Variants in SPATA18 observed in about 807,000 individuals in gnomAD.
SPATA18 encodes spermatogenesis associated 18.
Under a neutral mutation model 68.1 loss-of-function variants are expected in SPATA18, and 54 were observed. That is an observed-to-expected ratio of 0.79 (90% CI 0.64 to 0.99). The LOEUF (loss-of-function observed/expected upper bound fraction) is 0.99, where lower values mean the gene tolerates loss of function less well. Ranked by LOEUF, SPATA18 falls within the 50% of genes least tolerant of loss-of-function variation. SPATA18 has a pLI of 0.00. For synonymous variants in SPATA18, 242 were observed against 244.8 expected (o/e 0.99, Z 0.11); for missense variants, 724 against 681.1 (o/e 1.06, Z -0.70).
At position 52,076,816 on chromosome 4, in the gene SPATA18, A is replaced by G. The variant is rs574643999; in HGVS notation, c.796A>G (p.Ser266Gly). The stretch of plus-strand genomic sequence containing the variant: ...CCGGTCTCCCAGCCCTGCCCCTCGC[A>G]GCCGTAGCTGCAGCCGCAGCAGATC... ...RSRSPSPAPR[S>G]RSCSRSRSAS... The change falls in exon 7 of 13, where the codon AGC (serine) becomes GGC (glycine). Residue 266 changes from serine to glycine, a missense_variant. Ser to Gly is a moderately conservative substitution (Grantham distance 56, BLOSUM62 0). Coordinates refer to ENST00000295213, the MANE Select transcript of SPATA18 (RefSeq NM_145263.4). 1 of 1,614,102 alleles carries G rather than the reference A, an allele frequency of 6.2e-7. No individual in the cohort carries two copies. The highest frequency in any genetic ancestry group is 2.2e-5 in the East Asian group (1 of 44,876).
intron 11 of SPATA18, among the ~76,000 whole-genome samples, chr4:52,085,622 A>G (rs1226108712): frequency 1.3e-5 from 2 of 152,118 alleles, no homozygotes; most frequent in South Asian, 2.1e-4. Context: ...TAGCACTTTC[A>G]GAGGCTGAGG....
intron 1 of SPATA18, 62 bp downstream of exon 1, chr4:52,051,853 C>T: frequency 6.7e-7 from 1 of 1,498,432 alleles, no homozygotes; most frequent in Non-Finnish European, 9.2e-7. Flanking sequence ...CAGCCCTTGT[C>T]GGGGATTTCT....
intron 11 of SPATA18, among the ~76,000 whole-genome samples, chr4:52,094,224 A>G (rs1250488925): frequency 1.3e-5 from 2 of 152,200 alleles, no homozygotes; most frequent in Non-Finnish European, 2.9e-5. Flanking sequence ...CAGATATTGT[A>G]TCATCATTTT....
Position 52,076,971 on chromosome 4 carries a change from G to C in SPATA18, c.951G>C (p.Ala317=). The change falls in exon 7 of 13, where the codon GCG becomes GCC. Residue 317 remains alanine (A), a synonymous_variant. Coordinates refer to ENST00000295213, the MANE Select transcript of SPATA18 (RefSeq NM_145263.4). ...CCTATTCCCAGGCCCGCCTGGACGC[G>C]CAGTGCCTGCTGCGGCGCTGCATCG... is the stretch of plus-strand genomic sequence containing the variant. ...SDSYSQARLD[A]QCLLRRCIDK... 1.2e-6 allele frequency: 2 copies of C among 1,613,822 alleles called. No homozygotes were observed. The highest frequency in any genetic ancestry group is 1.7e-4 in the Middle Eastern group (1 of 6,060).
chr4:52,087,013 C>T (rs1741494019), intron 11 of SPATA18, among the ~76,000 whole-genome samples: 1 of 152,134 alleles, frequency 6.6e-6, no homozygotes, highest in Non-Finnish European at 1.5e-5. Flanking sequence ...TCTCTAATGA[C>T]CAGTGATGAT....
intron 6 of SPATA18, among the ~76,000 whole-genome samples, chr4:52,075,316 A>G (rs905708563): frequency 3.3e-5 from 5 of 152,154 alleles, no homozygotes; most frequent in Non-Finnish European, 7.3e-5. Flanking sequence ...ATGAAAAAGA[A>G]TGTGCCAATG....
At chr4:52,062,528 T>G (rs921434610) in intron 4 of SPATA18, among the ~76,000 whole-genome samples, 196 bp downstream of exon 4, 5 of 151,900 alleles carry the variant, frequency 3.3e-5, no homozygotes, top group Non-Finnish European at 4.4e-5. Context: ...GAGTCAGTGG[T>G]CAGTGTCTGT....
At chr4:52,051,958 GACATGTGTGT>G (rs936384416) in intron 1 of SPATA18, among the ~76,000 whole-genome samples, 167 bp downstream of exon 1, 1 of 152,200 alleles carries the variant, frequency 6.6e-6, no homozygotes, top group Non-Finnish European at 1.5e-5. Context: ...GGGAAGGAAG[GACATGTGTGT>G]ACATGCCCTT....
At chr4:52,070,115 A>G (rs1739676096) in intron 5 of SPATA18, among the ~76,000 whole-genome samples, 199 bp downstream of exon 5, 1 of 151,618 alleles carries the variant, frequency 6.6e-6, no homozygotes, top group Non-Finnish European at 1.5e-5. Context: ...AACGTAGTAT[A>G]AAGGCATATA....
rs540675678 is a variant in SPATA18, at chr4:52,080,025, A to G, written c.1355+106A>G. 506 of 1,230,782 alleles carry G rather than the reference A, an allele frequency of 4.1e-4. 3 individuals are homozygous for G. Among genetic ancestry groups the G allele is most frequent in the East Asian group, 3.7e-3 (155 of 42,364 alleles). The allele number at this position is 1,230,782 out of a possible 1,614,324, so 76.2% of individuals were successfully genotyped here. On this transcript the variant is annotated intron_variant, in intron 9 of 12. Transcript: ENST00000295213. ...AAGAACTCTGGGTGGAGAAATTAAC[A>G]GACACTACCTGATTTTCAGGCCCTA...
chr4:52,071,527 C>T (rs1307649185), intron 5 of SPATA18, among the ~76,000 whole-genome samples: 1 of 152,118 alleles, frequency 6.6e-6, no homozygotes, highest in African/African-American at 2.4e-5. Flanking sequence ...AATCAAAGAA[C>T]TAATGAGGGT....
chr4:52,092,563 G>A (rs1437510658), intron 11 of SPATA18, among the ~76,000 whole-genome samples: 1 of 152,208 alleles, frequency 6.6e-6, no homozygotes, highest in East Asian at 1.9e-4. Flanking sequence ...GTTCCAATGA[G>A]ATGAACTGGG....
At chr4:52,063,860 G>A (rs1052656139) in intron 4 of SPATA18, among the ~76,000 whole-genome samples, 3 of 152,038 alleles carry the variant, frequency 2.0e-5, no homozygotes, top group African/African-American at 7.2e-5. Flanking sequence ...GGTATCCTGG[G>A]ACATTAGCTA....
intron 1 of SPATA18, among the ~76,000 whole-genome samples, chr4:52,055,930 G>A (rs761755845): frequency 3.3e-5 from 5 of 152,250 alleles, no homozygotes; most frequent in African/African-American, 7.2e-5. Context: ...GCATAGTGGC[G>A]TCTCCATAAA....
Position 52,051,515 on chromosome 4 carries a change from C to T in SPATA18, c.-190C>T, listed in dbSNP as rs1215203126. The stretch of plus-strand genomic sequence containing the variant: ...GAGGCGCGGCGGCTGCGGCCCAGGG[C>T]ACCTCCCCTCTGGCTTCCCGAACCC... On this transcript the variant is annotated 5_prime_UTR_variant, in exon 1 of 13. Transcript: ENST00000295213. 8.2e-6 allele frequency: 5 copies of T among 606,654 alleles called. No homozygotes were observed. Among genetic ancestry groups the T allele is most frequent in the South Asian group, 2.0e-5 (1 of 49,554 alleles). The allele number at this position is 606,654 out of a possible 1,614,324, so 37.6% of individuals were successfully genotyped here. A position where few individuals can be genotyped will look rare whatever the true frequency, so the allele number is the denominator to read the frequency against.
chr4:52,072,112 G>A lies in SPATA18; in HGVS notation c.714G>A (p.Glu238=), dbSNP rs778210615. The change falls in exon 6 of 13, where the codon GAG becomes GAA. Residue 238 remains glutamate, a synonymous_variant. Transcript: ENST00000295213. ...AGAAACAGCTCCGAAACCTGAAGGA[G>A]GAGATAGCTGTTCTGTCTGCTGAGA... ...DYKKQLRNLK[E]EIAVLSAEKS... The A allele has an allele frequency of 1.2e-6, 2 of 1,614,094 alleles. No homozygotes were observed. Among genetic ancestry groups the A allele is most frequent in the Non-Finnish European group, 1.7e-6 (2 of 1,180,022 alleles).
Position 52,095,730 on chromosome 4 carries a change from C to T in SPATA18, c.*843C>T, listed in dbSNP as rs1742365907. 6.6e-6 allele frequency: 1 copy of T among 152,224 alleles called. No individual in the cohort carries two copies. Among genetic ancestry groups the T allele is most frequent in the South Asian group, 2.1e-4 (1 of 4,814 alleles). 9.4% of individuals were successfully genotyped at this position (152,224 alleles called of 1,614,324 possible). ...GGGACATGCTCTTCACCTGTTCTAC[C>T]TAGTTATTTGCAAATTCAGACCTCC... On this transcript the variant is annotated 3_prime_UTR_variant, in exon 13 of 13. Transcript: ENST00000295213.
chr4:52,075,195 T>C (rs1740228206), intron 6 of SPATA18, among the ~76,000 whole-genome samples: 1 of 152,134 alleles, frequency 6.6e-6, no homozygotes, highest in African/African-American at 2.4e-5. Context: ...GGGGGTGGCT[T>C]GTAATCTGGA....
At chr4:52,085,076 A>G in intron 11 of SPATA18, 77 bp downstream of exon 11, 1 of 1,174,822 alleles carries the variant, frequency 8.5e-7, no homozygotes, top group Non-Finnish European at 1.2e-6. Flanking sequence ...CAGCAATACA[A>G]AAGAGGTGAT....
Sources: allele counts gnomAD v4.1 joint callset (sites outside exome capture counted in the v4.1 genomes callset), GRCh38; gene constraint gnomAD v4.1.1; transcripts MANE v1.5; gene names NCBI Gene and HGNC (gene_info 2026-07-23, HGNC 2026-07-21).